TENM3: variants seen among roughly 807,000 people sequenced by gnomAD.
TENM3 encodes the protein teneurin-3.
A neutral mutation model predicts 255.1 loss-of-function variants in TENM3; 63 were observed. The observed-to-expected ratio is 0.25, with a 90% CI of 0.20 to 0.30. The LOEUF is 0.30. Among genes scored for constraint, TENM3 ranks in the 10% least tolerant of loss-of-function variants. TENM3 has a pLI of 1.00. For synonymous variants in TENM3, 1,306 were observed against 1,322.3 expected (o/e 0.99, Z 0.27); for missense variants, 2,929 against 3,461.1 (o/e 0.85, Z 3.86).
At chr4:181,851,124 C>G in the TENM3 span, among the ~76,000 whole-genome samples, 1 of 152,184 alleles carries the variant, frequency 6.6e-6, no homozygotes, top group East Asian at 1.9e-4. Flanking sequence ...GCCTCCTTCT[C>G]CACTACAAGA....
the TENM3 span, among the ~76,000 whole-genome samples, chr4:181,605,398 C>G: frequency 2.0e-5 from 3 of 149,870 alleles, no homozygotes; most frequent in African/African-American, 7.4e-5. Flanking sequence ...GAGCTGAGAT[C>G]GCCCCACGAC....
At chr4:182,228,730 A>G (rs749459932) in intron 1 of TENM3, among the ~76,000 whole-genome samples, 2 of 152,210 alleles carry the variant, frequency 1.3e-5, no homozygotes, top group Admixed American at 6.5e-5. Context: ...AGGATGAACC[A>G]TCAAGCTTTT....
At chr4:181,902,028 G>C in the TENM3 span, among the ~76,000 whole-genome samples, 3 of 152,042 alleles carry the variant, frequency 2.0e-5, no homozygotes, top group Non-Finnish European at 4.4e-5. Flanking sequence ...AGAGCCATAT[G>C]ATACCAGACA....
the TENM3 span, among the ~76,000 whole-genome samples, chr4:181,804,910 G>A: frequency 2.6e-5 from 4 of 152,012 alleles, no homozygotes; most frequent in African/African-American, 7.2e-5. Flanking sequence ...GAAAACTCCC[G>A]GTGCCTTTTC....
Position 182,751,968 on chromosome 4 carries a change from G to T in TENM3, c.3798G>T (p.Pro1266=), listed in dbSNP as rs537485392. Residue 1266 remains proline (P), a synonymous_variant, in exon 20 of 28, where the codon CCG becomes CCT. Transcript: ENST00000511685. ...CAGGGACAGGGGAGCAATGCCTTCCGTTTGACGAGGCGAGATGTGGGGATG... is the reference window on the plus strand; with the variant it reads ...CAGGGACAGGGGAGCAATGCCTTCCTTTTGACGAGGCGAGATGTGGGGATG... The part of the protein sequence containing the change: ...VVAGTGEQCL[P]FDEARCGDGG... 5.1e-5 allele frequency: 83 copies of T among 1,613,482 alleles called. 2 individuals carry two copies. In the South Asian group the frequency reaches 8.5e-4, roughly 16 times the overall value.
the TENM3 span, among the ~76,000 whole-genome samples, chr4:181,959,669 C>G: frequency 6.6e-6 from 1 of 151,966 alleles, no homozygotes; most frequent in Non-Finnish European, 1.5e-5. Context: ...ATCTTACATA[C>G]CAACAAAATG....
At chr4:182,603,890 A>G (rs939801297) in intron 4 of TENM3, among the ~76,000 whole-genome samples, 2 of 151,806 alleles carry the variant, frequency 1.3e-5, no homozygotes, top group Non-Finnish European at 2.9e-5. Context: ...AAGAATCTCT[A>G]TATTTTTCTC....
At chr4:181,766,056 G>C in the TENM3 span, among the ~76,000 whole-genome samples, 1 of 152,112 alleles carries the variant, frequency 6.6e-6, no homozygotes, top group African/African-American at 2.4e-5. Flanking sequence ...TGACGGAAAG[G>C]GTGAAAGCGT....
chr4:182,417,228 G>A (rs1052395448), intron 3 of TENM3, among the ~76,000 whole-genome samples: 2 of 151,594 alleles, frequency 1.3e-5, no homozygotes, highest in African/African-American at 2.4e-5. Flanking sequence ...CGCTCGTCTC[G>A]GCCTCCCATA....
chr4:182,441,663 A>C (rs551038220), intron 3 of TENM3, among the ~76,000 whole-genome samples: 15 of 152,176 alleles, frequency 9.9e-5, no homozygotes, highest in Admixed American at 2.0e-4. Context: ...ACGCCCAGCT[A>C]ATTTTTGTAT....
intron 1 of TENM3, among the ~76,000 whole-genome samples, chr4:182,201,720 A>G (rs1686526214): frequency 6.6e-6 from 1 of 152,152 alleles, no homozygotes; most frequent in Non-Finnish European, 1.5e-5. Context: ...CCCTTAGGTT[A>G]GAAACAAAAT....
At chr4:181,713,836 T>A in the TENM3 span, among the ~76,000 whole-genome samples, 1 of 152,236 alleles carries the variant, frequency 6.6e-6, no homozygotes, top group Non-Finnish European at 1.5e-5. Context: ...CCTATCATAC[T>A]TCATTTTTAT....
At chr4:181,848,965 G>A in the TENM3 span, among the ~76,000 whole-genome samples, 2 of 152,084 alleles carry the variant, frequency 1.3e-5, no homozygotes, top group Admixed American at 6.6e-5. Context: ...GTTCCTTTAC[G>A]AGCCAATGTA....
At chr4:181,853,923 A>T in the TENM3 span, among the ~76,000 whole-genome samples, 1 of 152,228 alleles carries the variant, frequency 6.6e-6, no homozygotes, top group South Asian at 2.1e-4. Flanking sequence ...GTGCTATAGA[A>T]GATTTTGTTG....
At chr4:182,645,344 A>G (rs1286292969) in intron 5 of TENM3, among the ~76,000 whole-genome samples, 1 of 152,132 alleles carries the variant, frequency 6.6e-6, no homozygotes, top group African/African-American at 2.4e-5. Flanking sequence ...AAAGTCATCC[A>G]TCCACATGGA....
chr4:181,998,766 C>G, the TENM3 span, among the ~76,000 whole-genome samples: 1 of 152,110 alleles, frequency 6.6e-6, no homozygotes, highest in Non-Finnish European at 1.5e-5. Flanking sequence ...TGTATGTTTT[C>G]CTTCCTTATT....
chr4:181,917,110 C>T, the TENM3 span, among the ~76,000 whole-genome samples: 1 of 152,176 alleles, frequency 6.6e-6, no homozygotes, highest in Non-Finnish European at 1.5e-5. Context: ...TGAGCACCTA[C>T]TATGTGCCTG....
intron 6 of TENM3, among the ~76,000 whole-genome samples, chr4:182,668,302 C>T (rs540186322): frequency 3.3e-5 from 5 of 152,130 alleles, no homozygotes; most frequent in Non-Finnish European, 7.4e-5. Context: ...GAGAGGTACG[C>T]CTTTCTTTTG....
chr4:182,272,309 T>A (rs1350289475), intron 1 of TENM3, among the ~76,000 whole-genome samples: 1 of 152,202 alleles, frequency 6.6e-6, no homozygotes, highest in Admixed American at 6.5e-5. Context: ...CTCAAATATT[T>A]CCCACATTCC....
Sources: gnomAD v4.1 joint callset for allele counts (sites outside exome capture counted in the v4.1 genomes callset) on GRCh38, gnomAD v4.1.1 for gene constraint, MANE v1.5 for transcripts, NCBI Gene and HGNC (gene_info 2026-07-23, HGNC 2026-07-21) for gene names.